NOTCH2: variants seen among roughly 807,000 people sequenced by gnomAD.
NOTCH2 encodes the protein neurogenic locus notch homolog protein 2.
In NOTCH2, 29 loss-of-function variants were observed where a neutral mutation model predicts 235.8. The observed-to-expected ratio is 0.12, with a 90% CI of 0.09 to 0.17. NOTCH2 has a LOEUF of 0.17. Among genes scored for constraint, NOTCH2 ranks in the 10% least tolerant of loss-of-function variants. The pLI, the probability that NOTCH2 is intolerant of heterozygous loss-of-function variation, is 1.00. For synonymous variants in NOTCH2, 1,086 were observed against 1,141.5 expected (o/e 0.95, Z 0.98); for missense variants, 2,285 against 3,150.2 (o/e 0.73, Z 6.57).
Position 120,006,220 on chromosome 1 carries a change from G to T in NOTCH2, c.156-632C>A, listed in dbSNP as rs1431750747. ...AAAAGGGAAAGGAGGTACAGGAATG[G>T]GGAAGAGTTCAAAGGGATATTTAAA... On this transcript the variant is annotated intron_variant, in intron 2 of 33. Coordinates refer to ENST00000256646, the MANE Select transcript of NOTCH2 (RefSeq NM_024408.4). Among the ~76,000 whole-genome samples, 3 of 152,044 alleles carry T rather than the reference G, an allele frequency of 2.0e-5. No individual in the cohort carries two copies. In the South Asian group the frequency reaches 6.2e-4, roughly 31 times the overall value.
chr1:119,977,694 T>C (rs72697252), intron 5 of NOTCH2, among the ~76,000 whole-genome samples: 1,693 of 152,338 alleles, frequency 0.011, 12 homozygotes, highest in Non-Finnish European at 0.016. Context: ...AGTCTTCATA[T>C]ATAATTAGTC....
chr1:120,029,417 G>C (rs2603919), intron 2 of NOTCH2, among the ~76,000 whole-genome samples: 3 of 151,752 alleles, frequency 2.0e-5, no homozygotes, highest in South Asian at 2.1e-4. Flanking sequence ...ATGATGTGGT[G>C]TCAGCTCACT....
chr1:119,999,917 GAGAAAGAAAGAAAGAAAGAAAGAAAGAA>G (rs71260137), intron 3 of NOTCH2, among the ~76,000 whole-genome samples: 5 of 91,100 alleles, frequency 5.5e-5, no homozygotes, highest in South Asian at 4.2e-4. Context: ...GAGAAAGAGA[GAGAAAGAAAGAAAGAAAGAAAGAAAGAA>G]AGAAAGAAAG....
chr1:119,922,139 C>A (rs1649306659), intron 28 of NOTCH2, 97 bp downstream of exon 28: 3 of 1,358,384 alleles, frequency 2.2e-6, no homozygotes, highest in South Asian at 1.2e-5. Flanking sequence ...AGTAAATGCC[C>A]AGAGCTTAGA....
Position 119,916,318 on chromosome 1 carries a change from A to G in NOTCH2, c.6404T>C (p.Leu2135Pro), listed in dbSNP as rs2101144269. ...DAKGSRRKKS[L>P]SEKVQLSESS... is the part of the protein sequence containing the mutation. ...CTCAGACAGTTGGACCTTCTCACTCAGAGACTTCTTCCTCCTACTACCCTT... is the reference window on the plus strand; with the variant it reads ...CTCAGACAGTTGGACCTTCTCACTCGGAGACTTCTTCCTCCTACTACCCTT... Residue 2135 changes from leucine to proline, a missense_variant, in exon 34 of 34, where the codon CTG becomes CCG. Coordinates refer to ENST00000256646, the MANE Select transcript of NOTCH2 (RefSeq NM_024408.4). The G allele has an allele frequency of 1.2e-6, 2 of 1,614,226 alleles. No homozygotes were observed. The highest frequency in any genetic ancestry group is 3.3e-5 in the Admixed American group (2 of 60,034).
chr1:120,037,583 C>T (rs1483925518), intron 1 of NOTCH2, among the ~76,000 whole-genome samples: 15 of 150,342 alleles, frequency 1.0e-4, no homozygotes, highest in South Asian at 6.3e-4. Flanking sequence ...AGAAGAAGTG[C>T]GGAAGCTTCA....
intron 3 of NOTCH2, among the ~76,000 whole-genome samples, chr1:120,001,189 C>A (rs587775819): frequency 4.6e-5 from 7 of 152,092 alleles, no homozygotes; most frequent in African/African-American, 9.7e-5. Context: ...CTTTTCTTTC[C>A]GGTCTCGGGG....
chr1:119,962,010 T>C (rs1650955778), intron 11 of NOTCH2, among the ~76,000 whole-genome samples: 1 of 152,202 alleles, frequency 6.6e-6, no homozygotes, highest in Non-Finnish European at 1.5e-5. Context: ...TTTTTAATGT[T>C]GTCTGACCGT....
intron 14 of NOTCH2, among the ~76,000 whole-genome samples, chr1:119,952,645 G>A (rs181862640): frequency 7.1e-4 from 108 of 152,282 alleles, no homozygotes; most frequent in African/African-American, 2.3e-3. Flanking sequence ...TGTGAGTGAC[G>A]GGGAGTGGCT....
At position 119,950,742 on chromosome 1, in the gene NOTCH2, A is replaced by C; in HGVS notation, c.2461T>G (p.Cys821Gly). ...FDDISGYTCH[C>G]VLPYTGKNCQ... ...GACCCACCTGTGTATGGCAGCACAC[A>C]GTGGCAAGTGTAGCCACTTATGTCA... The change falls in exon 15 of 34, where the codon TGT becomes GGT. Residue 821 changes from cysteine (C) to glycine (G), a missense_variant. Physicochemically the swap from Cys to Gly is radical, Grantham distance 159. Transcript: ENST00000256646. 6.2e-7 allele frequency: 1 copy of C among 1,612,970 alleles called. No individual in the cohort carries two copies. Among genetic ancestry groups the C allele is most frequent in the Non-Finnish European group, 8.5e-7 (1 of 1,178,886 alleles).
At chr1:119,977,817 G>A (rs1231352859) in intron 5 of NOTCH2, among the ~76,000 whole-genome samples, 1 of 152,112 alleles carries the variant, frequency 6.6e-6, no homozygotes, top group African/African-American at 2.4e-5. Context: ...GGGAACAACT[G>A]GAAAATTTAA....
rs587687563 is a variant in NOTCH2, at chr1:119,979,745, A to C, written c.874+7215T>G. On this transcript the variant is annotated intron_variant, in intron 5 of 33. Coordinates refer to ENST00000256646, the MANE Select transcript of NOTCH2 (RefSeq NM_024408.4). ...TAAATATCAAGAATAATTTTAAAGA[A>C]TATGTATATGTTTATAAATTTGATA... Among the ~76,000 whole-genome samples, 11 of 152,312 alleles carry C rather than the reference A, an allele frequency of 7.2e-5. No homozygotes were observed. The South Asian group carries it at 2.3e-3, about 32-fold the overall frequency.
rs769394073 is a variant in NOTCH2, at chr1:119,915,400, G to C, written c.7322C>G (p.Thr2441Ser). The change falls in exon 34 of 34, where the codon ACC (threonine) becomes AGC (serine). Residue 2441 changes from threonine to serine, a missense_variant. Transcript: ENST00000256646. ...TCCAGCACCCCCAGGGGTAGGGCTG[G>C]TGGTCACATCTGACCAGTCAGAAGC... ...HSASDWSDVT[T>S]SPTPGGAGGG... 1.9e-5 allele frequency: 31 copies of C among 1,614,190 alleles called. No homozygotes were observed. In the South Asian group the frequency reaches 2.2e-4, roughly 11 times the overall value.
chr1:119,963,728 A>G lies in NOTCH2; in HGVS notation c.1761T>C (p.Gly587=), dbSNP rs1651030913. ...TGCAGATGCAGGTGTAGGAATCAATACCATCCTGACACTGACCATGGTGGC... is the reference window on the plus strand; with the variant it reads ...TGCAGATGCAGGTGTAGGAATCAATGCCATCCTGACACTGACCATGGTGGC... ...DPCHHGQCQD[G]IDSYTCICNP... is the part of the protein sequence containing the mutation. The change falls in exon 11 of 34, where the codon GGT becomes GGC. Residue 587 remains glycine, a synonymous_variant. Transcript: ENST00000256646. 1 of 1,614,112 alleles carries G rather than the reference A, an allele frequency of 6.2e-7. No homozygotes were observed. Among genetic ancestry groups the G allele is most frequent in the African/African-American group, 1.3e-5 (1 of 75,038 alleles).
intron 4 of NOTCH2, among the ~76,000 whole-genome samples, chr1:119,988,525 G>A (rs1340264472): frequency 6.6e-6 from 1 of 152,080 alleles, no homozygotes; most frequent in Non-Finnish European, 1.5e-5. Context: ...ACAGAAATAT[G>A]AGTCTTACAA....
intron 1 of NOTCH2, among the ~76,000 whole-genome samples, chr1:120,039,000 T>C (rs587640931): frequency 4.0e-5 from 6 of 151,786 alleles, no homozygotes; most frequent in Non-Finnish European, 5.9e-5. Context: ...AACAGAGTAA[T>C]AAAAAAATTC....
At chr1:119,924,452 T>C (rs774085207) in intron 25 of NOTCH2, among the ~76,000 whole-genome samples, 1 of 152,156 alleles carries the variant, frequency 6.6e-6, no homozygotes, top group Non-Finnish European at 1.5e-5. Context: ...CCCATTTCTT[T>C]CCCTTTCAAG....
chr1:119,986,727 C>T (rs1159240560), intron 5 of NOTCH2, among the ~76,000 whole-genome samples: 4 of 152,142 alleles, frequency 2.6e-5, no homozygotes, highest in African/African-American at 9.7e-5. Flanking sequence ...TAGCATGGTG[C>T]TGGGTTCAGA....
At chr1:120,045,609 G>A (rs1654753593) in intron 1 of NOTCH2, among the ~76,000 whole-genome samples, 1 of 151,282 alleles carries the variant, frequency 6.6e-6, no homozygotes, top group South Asian at 2.1e-4. Context: ...TGAAAGGGAG[G>A]GTTGTTAGTT....
Sources: gnomAD v4.1 joint callset for allele counts (sites outside exome capture counted in the v4.1 genomes callset) on GRCh38, gnomAD v4.1.1 for gene constraint, MANE v1.5 for transcripts, NCBI Gene and HGNC (gene_info 2026-07-23, HGNC 2026-07-21) for gene names.